OR6F1: variants seen among roughly 807,000 people sequenced by gnomAD.
OR6F1 encodes olfactory receptor 6F1.
For missense variants in OR6F1, 346 were observed against 376.0 expected, an observed-to-expected ratio of 0.92 and a Z score of 0.66; for synonymous variants, 144 against 150.0, an observed-to-expected ratio of 0.96 and a Z score of 0.29.
chr1:247,716,114 G>A (rs1660100134), intron 1 of OR6F1, among the ~76,000 whole-genome samples: 1 of 152,040 alleles, frequency 6.6e-6, no homozygotes, highest in African/African-American at 2.4e-5. Flanking sequence ...TTAGCCAGGT[G>A]TGGTGGTGCA....
rs1660107271 is a variant in OR6F1 at position 247,716,469 on chromosome 1, T to C, written c.-265A>G. 1 of 152,224 alleles carries C rather than the reference T, an allele frequency of 6.6e-6. No homozygotes were observed. Among genetic ancestry groups the C allele is most frequent in the Non-Finnish European group, 1.5e-5 (1 of 68,042 alleles). The allele number at this position is 152,224 out of a possible 1,614,324, so 9.4% of individuals were successfully genotyped here. On this transcript the variant is annotated 5_prime_UTR_variant, in exon 1 of 3. Transcript: ENST00000641470. ...ATTATTCCCTCTATATCTCTGTTTT[T>C]CTTTGATTATCTTGCTGTTTAATAG...
rs144496391 is a variant in OR6F1 at position 247,712,474 on chromosome 1, A to G, written c.282T>C (p.Phe94=). The change falls in exon 3 of 3, where the codon TTT becomes TTC. Residue 94 remains phenylalanine (F), a synonymous_variant. Coordinates refer to ENST00000641470, the MANE Select transcript of OR6F1 (RefSeq NM_001005286.2). The part of the protein sequence containing the change: ...ILLGRSQTIS[F]TSCLLQMYFV... ...AGTACATCTGCAAAAGACAGCTTGT[A>G]AATGATATGGTCTGACTTCTCCCCA... The G allele has an allele frequency of 3.1e-5, 50 of 1,614,186 alleles. No individual in the cohort carries two copies. The African/African-American group carries it at 6.5e-4, about 21-fold the overall frequency.
Position 247,712,397 on chromosome 1 carries a change from T to G in OR6F1, c.359A>C (p.Tyr120Ser), listed in dbSNP as rs1660024669. The G allele has an allele frequency of 6.2e-7, 1 of 1,613,978 alleles. No homozygotes were observed. Among genetic ancestry groups the G allele is most frequent in the Non-Finnish European group, 8.5e-7 (1 of 1,179,954 alleles). ...TEYFLLAAMA[Y>S]DRCLAICYPL... ...ATAGCAGATGGCAAGACAGCGGTCA[T>G]AAGCCATGGCTGCCAGGAGGAAGTA... Residue 120 changes from tyrosine to serine, a missense_variant, in exon 3 of 3, where the codon TAT becomes TCT. Physicochemically the swap from Tyr to Ser is moderately radical, Grantham distance 144. Coordinates refer to ENST00000641470, the MANE Select transcript of OR6F1 (RefSeq NM_001005286.2).
chr1:247,712,539 A>G lies in OR6F1; in HGVS notation c.217T>C (p.Tyr73His). The G allele has an allele frequency of 6.2e-7, 1 of 1,613,908 alleles. No homozygotes were observed. Among genetic ancestry groups the G allele is most frequent in the Non-Finnish European group, 8.5e-7 (1 of 1,179,760 alleles). The change falls in exon 3 of 3, where the codon TAT becomes CAT. Residue 73 changes from tyrosine (Y) to histidine (H), a missense_variant. By Grantham distance (83) the Tyr-to-His change is moderately conservative. Transcript: ENST00000641470. ...LSNLSFLEIWYTTAAVPKALA... is the reference protein window; with the variant it reads ...LSNLSFLEIWHTTAAVPKALA... ...GCTTTGGGCACTGCTGCTGTGGTAT[A>G]CCAAATCTCCAGGAAGGAGAGGTTG...
chr1:247,714,873 A>G (rs944821125), intron 1 of OR6F1, among the ~76,000 whole-genome samples: 1 of 152,226 alleles, frequency 6.6e-6, no homozygotes, highest in African/African-American at 2.4e-5. Context: ...ACATGTAATA[A>G]CTATTTTTGA....
rs961028751 is a variant in OR6F1 at position 247,716,558 on chromosome 1, T to C, written c.-354A>G. 4.6e-5 allele frequency: 7 copies of C among 152,246 alleles called. No homozygotes were observed. The highest frequency in any genetic ancestry group is 6.5e-5 in the Admixed American group (1 of 15,276). The allele number at this position is 152,246 out of a possible 1,614,324, so 9.4% of individuals were successfully genotyped here. A position where few individuals can be genotyped will look rare whatever the true frequency, so the allele number is the denominator to read the frequency against. Reference sequence around the variant, plus strand: ...ACTCAAACTTTCATAATCTTTGAAATTAGAGCTCAGTCTTTTTCTGTTTCC... The same window carrying C: ...ACTCAAACTTTCATAATCTTTGAAACTAGAGCTCAGTCTTTTTCTGTTTCC... On this transcript the variant is annotated 5_prime_UTR_variant, in exon 1 of 3. The change abolishes the stop of an existing upstream ORF in the 5' untranslated region. Coordinates refer to ENST00000641470, the MANE Select transcript of OR6F1 (RefSeq NM_001005286.2).
Position 247,712,584 on chromosome 1 carries a change from G to C in OR6F1, c.172C>G (p.Pro58Ala), listed in dbSNP as rs141051959. 1.6e-5 allele frequency: 26 copies of C among 1,613,922 alleles called. No homozygotes were observed. In the East Asian group the frequency reaches 5.1e-4, roughly 32 times the overall value. Residue 58 changes from proline (P) to alanine (A), a missense_variant, in exon 3 of 3, where the codon CCC (proline) becomes GCC (alanine). Coordinates refer to ENST00000641470, the MANE Select transcript of OR6F1 (RefSeq NM_001005286.2). ...AGGTTGCTCAGAAAGAAGTACATGG[G>C]GGTATGCAACTGATGGGAGGTGCTC... ...LVSTSHQLHT[P>A]MYFFLSNLSF...
Position 247,713,879 on chromosome 1 carries a change from C to T in OR6F1, c.-63+12G>A. The T allele has an allele frequency of 2.5e-6, 1 of 398,574 alleles. No homozygotes were observed. The allele number at this position is 398,574 out of a possible 1,614,324, so 24.7% of individuals were successfully genotyped here. A position where few individuals can be genotyped will look rare whatever the true frequency, so the allele number is the denominator to read the frequency against. On this transcript the variant is annotated intron_variant, in intron 2 of 2. Coordinates refer to ENST00000641470, the MANE Select transcript of OR6F1 (RefSeq NM_001005286.2). ...GGGTCTACAAAGTAAACGGTGCATA[C>T]ATTGGCTTTACCTCATTGATGGCAG...
Sources: allele counts gnomAD v4.1 joint callset (sites outside exome capture counted in the v4.1 genomes callset), GRCh38; gene constraint gnomAD v4.1.1; transcripts MANE v1.5; gene names NCBI Gene and HGNC (gene_info 2026-07-23, HGNC 2026-07-21).